CSMD1: variants seen among roughly 807,000 people sequenced by gnomAD.
CSMD1 encodes CUB and Sushi multiple domains 1.
A neutral mutation model predicts 417.5 loss-of-function variants in CSMD1; 213 were observed. That is an observed-to-expected ratio of 0.51 (90% CI 0.46 to 0.57). The LOEUF is 0.57. Ranked by LOEUF, CSMD1 falls within the 20% of genes least tolerant of loss-of-function variation. The pLI, the probability that CSMD1 is intolerant of heterozygous loss-of-function variation, is 0.00. For synonymous variants in CSMD1, 2,862 were observed against 1,736.8 expected (o/e 1.65, Z -16.11); for missense variants, 6,923 against 4,529.7 (o/e 1.53, Z -15.17).
intron 3 of CSMD1, among the ~76,000 whole-genome samples, chr8:4,072,303 C>G (rs1484960291): frequency 1.3e-5 from 2 of 152,160 alleles, no homozygotes; most frequent in African/African-American, 2.4e-5. Flanking sequence ...AAATACCTTC[C>G]TTTGCCTTCA....
At chr8:3,728,560 G>A (rs1313991429) in intron 6 of CSMD1, among the ~76,000 whole-genome samples, 1 of 152,150 alleles carries the variant, frequency 6.6e-6, no homozygotes, top group East Asian at 1.9e-4. Flanking sequence ...TATGTTCCAA[G>A]AGCCTTTCAG....
intron 7 of CSMD1, among the ~76,000 whole-genome samples, chr8:3,666,720 C>G (rs534595695): frequency 1.3e-5 from 2 of 152,186 alleles, no homozygotes; most frequent in Non-Finnish European, 2.9e-5. Flanking sequence ...TAAGGGGAAA[C>G]CCCTTTGGCT....
intron 3 of CSMD1, among the ~76,000 whole-genome samples, chr8:4,194,129 AATG>A (rs1436418491): frequency 1.3e-5 from 2 of 152,334 alleles, no homozygotes; most frequent in East Asian, 3.8e-4. Flanking sequence ...AAGAATGCAG[AATG>A]ATAAAAATGA....
intron 3 of CSMD1, among the ~76,000 whole-genome samples, chr8:4,064,050 G>C (rs906231449): frequency 2.0e-5 from 3 of 152,132 alleles, no homozygotes; most frequent in Admixed American, 2.0e-4. Context: ...GAGAGTGAGG[G>C]CTCCTGAGAA....
At chr8:4,538,825 G>T (rs1291821019) in intron 2 of CSMD1, among the ~76,000 whole-genome samples, 2 of 152,154 alleles carry the variant, frequency 1.3e-5, no homozygotes, top group Admixed American at 1.3e-4. Context: ...CTTGTTTTGG[G>T]TCACAAAGCT....
chr8:4,578,584 A>AGAGGCT (rs1799253034), intron 2 of CSMD1, among the ~76,000 whole-genome samples: 1 of 151,374 alleles, frequency 6.6e-6, no homozygotes, highest in Non-Finnish European at 1.5e-5. Context: ...TGGGAGGCCA[A>AGAGGCT]GGTGGGCGGT....
chr8:4,411,223 A>G (rs1796635397), intron 3 of CSMD1, among the ~76,000 whole-genome samples: 1 of 151,940 alleles, frequency 6.6e-6, no homozygotes, highest in Non-Finnish European at 1.5e-5. Flanking sequence ...AAGTACAAAT[A>G]TTAATTAATA....
intron 1 of CSMD1, among the ~76,000 whole-genome samples, chr8:4,785,898 G>C (rs898029211): frequency 1.3e-5 from 2 of 152,058 alleles, no homozygotes; most frequent in African/African-American, 2.4e-5. Flanking sequence ...AACCCAAACA[G>C]TGACAGCACC....
chr8:4,539,997 G>A (rs981125683), intron 2 of CSMD1, among the ~76,000 whole-genome samples: 4 of 152,076 alleles, frequency 2.6e-5, no homozygotes, highest in Admixed American at 1.3e-4. Context: ...CTATTGAGCC[G>A]CTCACCGGGG....
intron 5 of CSMD1, among the ~76,000 whole-genome samples, chr8:3,755,081 C>G (rs936017206): frequency 6.6e-6 from 1 of 152,240 alleles, no homozygotes; most frequent in Admixed American, 6.5e-5. Flanking sequence ...TTATTTCTCA[C>G]TATTGAAAAC....
At chr8:3,310,321 GTTGTTA>G (rs66480715) in intron 23 of CSMD1, among the ~76,000 whole-genome samples, 2,855 of 152,254 alleles carry the variant, frequency 0.019, 91 homozygotes, top group African/African-American at 0.064. Flanking sequence ...AGTCTTTACT[GTTGTTA>G]TTGTTGTAGT....
chr8:3,031,618 C>T (rs189882103), intron 50 of CSMD1, among the ~76,000 whole-genome samples: 1 of 151,966 alleles, frequency 6.6e-6, no homozygotes, highest in Admixed American at 6.6e-5. Context: ...CACGCTGGTC[C>T]TGAAGTCTTG....
At chr8:4,598,916 T>G (rs1326420381) in intron 2 of CSMD1, among the ~76,000 whole-genome samples, 3 of 152,122 alleles carry the variant, frequency 2.0e-5, no homozygotes, top group African/African-American at 7.2e-5. Context: ...GTGAAGATCT[T>G]CAAAAAAACA....
At chr8:4,970,617 T>A (rs1276748158) in intron 1 of CSMD1, among the ~76,000 whole-genome samples, 1 of 152,056 alleles carries the variant, frequency 6.6e-6, no homozygotes, top group African/African-American at 2.4e-5. Context: ...CTCTTTACAA[T>A]GATAGGAAGC....
intron 2 of CSMD1, among the ~76,000 whole-genome samples, chr8:4,596,808 A>T (rs9314534): frequency 0.89 from 134,788 of 152,208 alleles, 59,971 homozygotes; most frequent in Non-Finnish European, 0.93. Context: ...CTACCAGAAT[A>T]CCCACATATT....
At chr8:3,629,752 C>T (rs998902200) in intron 7 of CSMD1, among the ~76,000 whole-genome samples, 2 of 152,110 alleles carry the variant, frequency 1.3e-5, no homozygotes, top group African/African-American at 2.4e-5. Flanking sequence ...AAAAGAAACA[C>T]ACACCTTTCA....
chr8:3,528,045 CT>C (rs978187345), intron 10 of CSMD1, among the ~76,000 whole-genome samples: 5 of 152,100 alleles, frequency 3.3e-5, no homozygotes, highest in African/African-American at 1.2e-4. Flanking sequence ...CATTTGTCCC[CT>C]GGGTGGCAAA....
chr8:4,976,484 T>C (rs545944983), intron 1 of CSMD1, among the ~76,000 whole-genome samples: 1 of 152,322 alleles, frequency 6.6e-6, no homozygotes, highest in South Asian at 2.1e-4. Flanking sequence ...AATGCTCCTA[T>C]AATATTACGT....
intron 4 of CSMD1, among the ~76,000 whole-genome samples, chr8:4,012,379 T>G (rs1816611362): frequency 6.6e-6 from 1 of 152,194 alleles, no homozygotes; most frequent in Non-Finnish European, 1.5e-5. Flanking sequence ...ATTCATTGCC[T>G]TGTTGATCTC....
Sources: gnomAD v4.1 joint callset for allele counts (sites outside exome capture counted in the v4.1 genomes callset) on GRCh38, gnomAD v4.1.1 for gene constraint, MANE v1.5 for transcripts, NCBI Gene and HGNC (gene_info 2026-07-23, HGNC 2026-07-21) for gene names.